GSE1: variants seen among roughly 807,000 people sequenced by gnomAD.
GSE1 encodes the protein Gse1 coiled-coil protein.
GSE1 carries 32 observed loss-of-function variants against 112.6 expected under a neutral mutation model. That is an observed-to-expected ratio of 0.28 (90% CI 0.21 to 0.38). GSE1 has a LOEUF of 0.38. Among genes scored for constraint, GSE1 ranks in the 10% least tolerant of loss-of-function variants. The pLI is 1.00. For missense variants in GSE1, 2,348 were observed against 1,699.2 expected (o/e 1.38, Z -6.71); for synonymous variants, 1,115 against 735.6 (o/e 1.52, Z -8.35).
At chr16:85,438,763 A>G (rs183445460) in intron 2 of GSE1, among the ~76,000 whole-genome samples, 5 of 152,158 alleles carry the variant, frequency 3.3e-5, no homozygotes, top group African/African-American at 1.2e-4. Context: ...TGAGCACCTG[A>G]GTTTCAGGGG....
rs549664406 is a variant in GSE1, at chr16:85,419,805, G to A, written c.2464+62162G>A. 1.3e-5 allele frequency among the ~76,000 whole-genome samples: 2 copies of A among 149,392 alleles called. No homozygotes were observed. Among genetic ancestry groups the A allele is most frequent in the Admixed American group, 1.3e-4 (2 of 15,048 alleles). ...GACTCTGATGGAAATGGTCCGAGTAGGGCTTCTGCAGGGCCAGCCAGGAAC... is the reference window on the plus strand; with the variant it reads ...GACTCTGATGGAAATGGTCCGAGTAAGGCTTCTGCAGGGCCAGCCAGGAAC... On this transcript the variant is annotated intron_variant, in intron 2 of 2. Coordinates refer to the GSE1 transcript ENST00000637419. This position sits in a 1 kb window ranked among gnomAD's most constrained non-coding sequence, Gnocchi z 6.5.
chr16:85,555,792 G>A (rs116364741), upstream of GSE1: 1,088 of 974,294 alleles, frequency 1.1e-3, 9 homozygotes, highest in African/African-American at 0.019. Flanking sequence ...CTACTCGCAC[G>A]TCCTGGGGGC....
chr16:85,656,993 C>T (rs948452082), intron 7 of GSE1, among the ~76,000 whole-genome samples: 2 of 152,208 alleles, frequency 1.3e-5, no homozygotes, highest in African/African-American at 4.8e-5. Context: ...TGCATGTTTC[C>T]CGGAAATTTA....
chr16:85,286,196 A>C (rs917294862), intron 1 of GSE1, among the ~76,000 whole-genome samples: 6 of 152,350 alleles, frequency 3.9e-5, no homozygotes, highest in African/African-American at 1.4e-4. Flanking sequence ...TGCTCCGAGC[A>C]TGTTAGCGGG....
chr16:85,596,464 C>A (rs922694071), intron 1 of GSE1, among the ~76,000 whole-genome samples: 1 of 152,172 alleles, frequency 6.6e-6, no homozygotes, highest in East Asian at 1.9e-4. Context: ...AGGAAGATTC[C>A]GCCTTCAGGT....
At chr16:85,585,669 C>CTCT (rs2046658611) in intron 1 of GSE1, among the ~76,000 whole-genome samples, 1 of 152,234 alleles carries the variant, frequency 6.6e-6, no homozygotes, top group Non-Finnish European at 1.5e-5. Context: ...GGTTCTGGAA[C>CTCT]TCTTCCTGCA....
intron 1 of GSE1, among the ~76,000 whole-genome samples, chr16:85,264,244 G>A (rs954652002): frequency 1.3e-5 from 2 of 152,092 alleles, no homozygotes; most frequent in African/African-American, 4.8e-5. Flanking sequence ...CCCGTGGGGT[G>A]GAATATCACG....
chr16:85,408,885 T>A (rs868436912), intron 2 of GSE1, among the ~76,000 whole-genome samples: 1 of 8,108 alleles, frequency 1.2e-4, no homozygotes, highest in Non-Finnish European at 3.5e-4. Context: ...TCAGGCCCCC[T>A]GGATAATCCT....
intron 2 of GSE1, 144 bp from the exon 3 acceptor site, chr16:85,648,408 G>A (rs1036238324): frequency 1.7e-6 from 1 of 581,086 alleles, no homozygotes; most frequent in East Asian, 3.0e-5. Flanking sequence ...TGCCTGTCTT[G>A]GGTGGGGGCC....
chr16:85,306,608 G>C (rs544194860), intron 1 of GSE1, among the ~76,000 whole-genome samples: 12 of 152,268 alleles, frequency 7.9e-5, no homozygotes, highest in African/African-American at 2.6e-4. Flanking sequence ...GAGTGCAGTG[G>C]TACAGTCATA....
intron 2 of GSE1, among the ~76,000 whole-genome samples, chr16:85,505,626 G>T (rs944569680): frequency 6.6e-6 from 1 of 152,140 alleles, no homozygotes; most frequent in Admixed American, 6.5e-5. Flanking sequence ...GTGCCGGCGG[G>T]GGGCACATGC....
At chr16:85,397,681 C>T (rs2047999748) in intron 2 of GSE1, among the ~76,000 whole-genome samples, 2 of 152,214 alleles carry the variant, frequency 1.3e-5, no homozygotes, top group African/African-American at 4.8e-5. Flanking sequence ...CATCTGGCCC[C>T]CTCTGGAGGA....
At chr16:85,367,904 C>A (rs2151591884) in intron 2 of GSE1, among the ~76,000 whole-genome samples, 1 of 138,492 alleles carries the variant, frequency 7.2e-6, no homozygotes, top group South Asian at 2.3e-4. Flanking sequence ...GGCTAGAGTG[C>A]AATGGCATGA....
At chr16:85,259,203 A>G (rs927407952) in intron 1 of GSE1, among the ~76,000 whole-genome samples, 5 of 151,994 alleles carry the variant, frequency 3.3e-5, no homozygotes, top group Non-Finnish European at 7.4e-5. Flanking sequence ...CTGGTCTCCA[A>G]GGAACCCCGG....
At chr16:85,328,262 T>C (rs993428639) in intron 1 of GSE1, among the ~76,000 whole-genome samples, 1 of 152,188 alleles carries the variant, frequency 6.6e-6, no homozygotes, top group African/African-American at 2.4e-5. Flanking sequence ...CGAAAGGGCC[T>C]GGAATTCCCT....
At chr16:85,175,098 G>C (rs1410177186) in intron 1 of GSE1, among the ~76,000 whole-genome samples, 5 of 152,162 alleles carry the variant, frequency 3.3e-5, no homozygotes, top group African/African-American at 1.2e-4. Flanking sequence ...TAGCGAATCA[G>C]CTTTAAAACA....
At chr16:85,286,861 G>A (rs1426760226) in intron 1 of GSE1, among the ~76,000 whole-genome samples, 1 of 152,214 alleles carries the variant, frequency 6.6e-6, no homozygotes, top group East Asian at 1.9e-4. Flanking sequence ...GTGAGAAAAC[G>A]CAGTTTTTTT....
At chr16:85,660,156 A>G (rs1469005026) in intron 8 of GSE1, among the ~76,000 whole-genome samples, 2 of 152,246 alleles carry the variant, frequency 1.3e-5, no homozygotes, top group Non-Finnish European at 2.9e-5. Context: ...GCCACAGCCC[A>G]GTATATAGAG....
intron 2 of GSE1, among the ~76,000 whole-genome samples, chr16:85,438,381 G>A (rs986008135): frequency 6.6e-6 from 1 of 152,176 alleles, no homozygotes; most frequent in Non-Finnish European, 1.5e-5. Context: ...AGGCGGAGGG[G>A]CGCACCCCGC....
Sources: allele counts gnomAD v4.1 joint callset (sites outside exome capture counted in the v4.1 genomes callset), GRCh38; gene constraint gnomAD v4.1.1; non-coding constraint Gnocchi (gnomAD v3.1); transcripts MANE v1.5; gene names NCBI Gene and HGNC (gene_info 2026-07-23, HGNC 2026-07-21).